RPTOR: variants seen among roughly 807,000 people sequenced by gnomAD.
RPTOR encodes the protein regulatory-associated protein of mTOR.
RPTOR carries 21 observed loss-of-function variants against 169.9 expected under a neutral mutation model. The observed-to-expected ratio is 0.12, with a 90% CI of 0.09 to 0.18. The LOEUF is 0.18. Ranked by LOEUF, RPTOR falls within the 10% of genes least tolerant of loss-of-function variation. RPTOR has a pLI of 1.00. For synonymous variants in RPTOR, 732 were observed against 753.2 expected (o/e 0.97, Z 0.46); for missense variants, 1,133 against 1,855.9 (o/e 0.61, Z 7.16).
chr17:80,788,596 A>G (rs913581498), intron 6 of RPTOR, among the ~76,000 whole-genome samples: 6 of 151,524 alleles, frequency 4.0e-5, no homozygotes, highest in Non-Finnish European at 7.4e-5. Context: ...AATGTGATCT[A>G]CTCTTTGTTT....
rs1010633039 is a variant in RPTOR, at chr17:80,764,509, G to A, written c.830+10324G>A. On this transcript the variant is annotated intron_variant, in intron 6 of 33. Transcript: ENST00000306801. ...CATGAACTCATCATTTTTTATGGCC[G>A]CATAGTATTCCATGGTGTATATGTG... 9.2e-5 allele frequency among the ~76,000 whole-genome samples: 14 copies of A among 151,582 alleles called. No individual in the cohort carries two copies. In the East Asian group the frequency reaches 9.7e-4, roughly 10 times the overall value.
intron 1 of RPTOR, among the ~76,000 whole-genome samples, chr17:80,584,065 C>T (rs569065841): frequency 1.3e-5 from 2 of 152,280 alleles, no homozygotes; most frequent in East Asian, 1.9e-4. Context: ...AGGGGCATGG[C>T]GCAGGGGGAC....
At position 80,847,227 on chromosome 17, in the gene RPTOR, G is replaced by A. The variant is rs367795266; in HGVS notation, c.1314+653G>A. Among the ~76,000 whole-genome samples, 7 of 152,374 alleles carry A rather than the reference G, an allele frequency of 4.6e-5. No homozygotes were observed. In the South Asian group the frequency reaches 8.3e-4, roughly 18 times the overall value. The stretch of plus-strand genomic sequence containing the variant: ...AGATGCCAGTGCCCACGGGGCCCGT[G>A]TCATGTCAGTGCTGTTCACGTGCAG... On this transcript the variant is annotated intron_variant, in intron 11 of 33. Coordinates refer to ENST00000306801, the MANE Select transcript of RPTOR (RefSeq NM_020761.3).
chr17:80,761,345 T>G (rs1335170241), intron 6 of RPTOR, among the ~76,000 whole-genome samples: 3 of 152,208 alleles, frequency 2.0e-5, no homozygotes, highest in African/African-American at 7.2e-5. Context: ...TTGGATTGAA[T>G]AGAGGTCAAA....
At chr17:80,741,213 C>T (rs546492671) in intron 5 of RPTOR, among the ~76,000 whole-genome samples, 1 of 152,340 alleles carries the variant, frequency 6.6e-6, no homozygotes. Flanking sequence ...CCACACTGGG[C>T]ACTCAGCTGA....
intron 13 of RPTOR, among the ~76,000 whole-genome samples, chr17:80,879,653 CA>C (rs1371361498): frequency 6.6e-6 from 1 of 152,204 alleles, no homozygotes; most frequent in Non-Finnish European, 1.5e-5. Context: ...GAGCAGGGCA[CA>C]AATACCTAGT....
chr17:80,925,920 G>A (rs1236041713), intron 24 of RPTOR, among the ~76,000 whole-genome samples: 11 of 152,240 alleles, frequency 7.2e-5, no homozygotes, highest in Admixed American at 4.6e-4. Flanking sequence ...AACAAGCGCC[G>A]TGTGCTGTGG....
At chr17:80,801,042 G>T (rs534130236) in intron 7 of RPTOR, among the ~76,000 whole-genome samples, 1 of 152,346 alleles carries the variant, frequency 6.6e-6, no homozygotes, top group Admixed American at 6.5e-5. Flanking sequence ...GCTTGGGTTT[G>T]ACTCTGGCTC....
At position 80,957,123 on chromosome 17, in the gene RPTOR, G is replaced by A. The variant is rs1177702567; in HGVS notation, c.3371-501G>A. ...AGTTCCAGCTTAGAACTGTCACCCCGGCCTGGACTTGGGAGTTCCAGCTTA... is the reference window on the plus strand; with the variant it reads ...AGTTCCAGCTTAGAACTGTCACCCCAGCCTGGACTTGGGAGTTCCAGCTTA... On this transcript the variant is annotated intron_variant, in intron 28 of 33. Transcript: ENST00000306801. This position sits in a 1 kb window ranked among gnomAD's most constrained non-coding sequence, Gnocchi z 4.6. Among the ~76,000 whole-genome samples, 38 of 123,348 alleles carry A rather than the reference G, an allele frequency of 3.1e-4. No homozygotes were observed. The highest frequency in any genetic ancestry group is 5.4e-3 in the Middle Eastern group (1 of 184). 80.9% of individuals were successfully genotyped at this position (123,348 alleles called of 152,430 possible). A position where few individuals can be genotyped will look rare whatever the true frequency, so the allele number is the denominator to read the frequency against.
At chr17:80,584,914 A>G (rs966702136) in intron 1 of RPTOR, among the ~76,000 whole-genome samples, 2 of 152,214 alleles carry the variant, frequency 1.3e-5, no homozygotes, top group African/African-American at 2.4e-5. Flanking sequence ...CCAGAACTCA[A>G]ACATTTAAGA....
At chr17:80,564,699 C>G (rs201895522) in intron 1 of RPTOR, among the ~76,000 whole-genome samples, 4 of 149,920 alleles carry the variant, frequency 2.7e-5, no homozygotes, top group Non-Finnish European at 5.9e-5. Context: ...AGCCAGGTAT[C>G]AAGCCTAGTA....
intron 1 of RPTOR, among the ~76,000 whole-genome samples, chr17:80,607,831 G>A (rs931410363): frequency 1.3e-5 from 2 of 151,812 alleles, no homozygotes; most frequent in African/African-American, 2.4e-5. Context: ...ATTAAACCCC[G>A]TACTGAAGGT....
Position 80,845,898 on chromosome 17 carries a change from G to A in RPTOR, c.1213-575G>A, listed in dbSNP as rs1015525140. On this transcript the variant is annotated intron_variant, in intron 10 of 33. Transcript: ENST00000306801. The surrounding 1 kb of genome is among the most constrained non-coding windows in gnomAD (Gnocchi z 5.4). ...GCTGGTTTGTGGCTCTGCCCTGGAC[G>A]TTGCTCCCTGGCGTCCAGACCTTTG... Among the ~76,000 whole-genome samples, 1 of 152,198 alleles carries A rather than the reference G, an allele frequency of 6.6e-6. No homozygotes were observed. The highest frequency in any genetic ancestry group is 1.5e-5 in the Non-Finnish European group (1 of 68,042).
At chr17:80,640,798 TCCC>T (rs2065547359) in intron 2 of RPTOR, among the ~76,000 whole-genome samples, 1 of 74,582 alleles carries the variant, frequency 1.3e-5, no homozygotes, top group African/African-American at 5.4e-5. Flanking sequence ...GAATGGGAAC[TCCC>T]TCCCTTCTTC....
At chr17:80,838,375 G>T (rs746405) in intron 10 of RPTOR, among the ~76,000 whole-genome samples, 74,415 of 151,820 alleles carry the variant, frequency 0.49, 19,813 homozygotes, top group Non-Finnish European at 0.59. Flanking sequence ...CCCACGGGGG[G>T]TTTGGTGCTG....
rs530965638 is a variant in RPTOR, at chr17:80,961,315, G to A, written c.3606-79G>A. 9.1e-4 allele frequency: 1,248 copies of A among 1,369,648 alleles called. 7 individuals are homozygous for A. The highest frequency in any genetic ancestry group is 5.6e-3 in the Middle Eastern group (22 of 3,924). 84.8% of individuals were successfully genotyped at this position (1,369,648 alleles called of 1,614,324 possible). ...GACCCGCTGGCACAGGCAGACCTGG[G>A]CAGCTCCCGGTGAGAGCCCCGAAGG... On this transcript the variant is annotated intron_variant, in intron 30 of 33. Transcript: ENST00000306801.
chr17:80,580,429 C>T (rs1229724960), intron 1 of RPTOR, among the ~76,000 whole-genome samples: 6 of 152,200 alleles, frequency 3.9e-5, no homozygotes, highest in African/African-American at 1.4e-4. Context: ...GCTGCCAGCC[C>T]TGGGCATTGC....
chr17:80,649,634 A>G (rs1310934978), intron 3 of RPTOR, among the ~76,000 whole-genome samples: 2 of 152,266 alleles, frequency 1.3e-5, no homozygotes, highest in African/African-American at 2.4e-5. Context: ...TACAGACAAT[A>G]TCTTCTGGTG....
Position 80,643,813 on chromosome 17 carries a change from A to AAGTGTGCTTT in RPTOR, c.348+12_348+13insTAGTGTGCTT. Reference sequence around the variant, plus strand: ...AGTACGAGAACTGGCAGCCAAGGGTAAGTGTGCTTCACTTGCTCTTCCCTT... The same window carrying AAGTGTGCTTT: ...AGTACGAGAACTGGCAGCCAAGGGTAAGTGTGCTTTAGTGTGCTTCACTTGCTCTTCCCTT... On this transcript the variant is annotated splice_donor_region_variant and intron_variant, in intron 3 of 33. Transcript: ENST00000306801. 6.2e-7 allele frequency: 1 copy of AAGTGTGCTTT among 1,609,906 alleles called. No homozygotes were observed. The highest frequency in any genetic ancestry group is 8.5e-7 in the Non-Finnish European group (1 of 1,176,692).
Sources: allele counts gnomAD v4.1 joint callset (sites outside exome capture counted in the v4.1 genomes callset), GRCh38; gene constraint gnomAD v4.1.1; non-coding constraint Gnocchi (gnomAD v3.1); transcripts MANE v1.5; gene names NCBI Gene and HGNC (gene_info 2026-07-23, HGNC 2026-07-21).